LARS1: variants seen among roughly 807,000 people sequenced by gnomAD.
LARS1 encodes leucine--tRNA ligase, cytoplasmic.
In LARS1, 100 loss-of-function variants were observed where a neutral mutation model predicts 162.8. That is an observed-to-expected ratio of 0.61 (90% CI 0.52 to 0.73). The LOEUF is 0.73. Among genes scored for constraint, LARS1 ranks in the 30% least tolerant of loss-of-function variants. LARS1 has a pLI of 0.00. For missense variants in LARS1, 1,258 were observed against 1,408.9 expected (o/e 0.89, Z 1.71); for synonymous variants, 457 against 462.8 (o/e 0.99, Z 0.16).
intron 20 of LARS1, among the ~76,000 whole-genome samples, chr5:146,140,856 T>TACAC (rs534004388): frequency 3.3e-5 from 5 of 151,842 alleles, no homozygotes; most frequent in African/African-American, 4.8e-5. Context: ...CACATATATA[T>TACAC]ACACACACAC....
At chr5:146,171,120 G>A (rs1754254956) in intron 4 of LARS1, among the ~76,000 whole-genome samples, 2 of 152,162 alleles carry the variant, frequency 1.3e-5, no homozygotes, top group Admixed American at 6.5e-5. Context: ...ACTTTGGAAG[G>A]CCGAGGTGGG....
chr5:146,149,958 A>C (rs1292053303), intron 14 of LARS1, among the ~76,000 whole-genome samples: 11 of 152,186 alleles, frequency 7.2e-5, no homozygotes. Context: ...ATGATTAGGA[A>C]GGAATACTCA....
chr5:146,147,462 G>A (rs1753062137), intron 15 of LARS1, among the ~76,000 whole-genome samples: 1 of 150,952 alleles, frequency 6.6e-6, no homozygotes, highest in South Asian at 2.1e-4. Context: ...CCCAAAATTA[G>A]TAATTATTGA....
At chr5:146,160,326 G>A (rs1449131471) in intron 7 of LARS1, 48 bp downstream of exon 7, 2 of 1,068,144 alleles carry the variant, frequency 1.9e-6, no homozygotes, top group South Asian at 3.1e-5. Context: ...GTGAGCCTCT[G>A]TGCCCAACTG....
rs1753164352 is a variant in LARS1 at position 146,149,308 on chromosome 5, G to C, written c.1503+314C>G. On this transcript the variant is annotated intron_variant, in intron 15 of 31. Transcript: ENST00000394434. ...AGTTATAACAGAAACGGAGGGATGA[G>C]AGGAGGACGACAGAAACACCACAGA... 5.3e-5 allele frequency among the ~76,000 whole-genome samples: 8 copies of C among 152,134 alleles called. No homozygotes were observed. In the South Asian group the frequency reaches 1.7e-3, roughly 31 times the overall value.
chr5:146,121,218 T>A (rs1049807159), intron 30 of LARS1, among the ~76,000 whole-genome samples: 3 of 152,144 alleles, frequency 2.0e-5, no homozygotes, highest in African/African-American at 7.2e-5. Context: ...GTATCCATAA[T>A]CACGATTTCC....
chr5:146,149,796 CA>C (rs1445574557), intron 14 of LARS1, 97 bp from the exon 15 acceptor site: 2 of 816,866 alleles, frequency 2.4e-6, no homozygotes, highest in African/African-American at 3.4e-5. Flanking sequence ...TGCTTCTGCC[CA>C]CCGAAATATT....
At position 146,164,478 on chromosome 5, in the gene LARS1, A is replaced by G. The variant is rs780368720; in HGVS notation, c.433-7T>C. Reference sequence around the variant, plus strand: ...CTTTAGCAGCAGCTTTACTCTGAAAATAATGGAGAAAAATAAACTCGATCA... The same window carrying G: ...CTTTAGCAGCAGCTTTACTCTGAAAGTAATGGAGAAAAATAAACTCGATCA... On this transcript the variant is annotated splice_region_variant and splice_polypyrimidine_tract_variant and intron_variant, in intron 5 of 31. Coordinates refer to ENST00000394434, the MANE Select transcript of LARS1 (RefSeq NM_020117.11). The G allele has an allele frequency of 4.3e-6, 7 of 1,612,470 alleles. No individual in the cohort carries two copies. In the South Asian group the frequency reaches 6.6e-5, roughly 15 times the overall value.
intron 22 of LARS1, among the ~76,000 whole-genome samples, chr5:146,134,810 G>C (rs115634250): frequency 1.3e-5 from 2 of 152,100 alleles, no homozygotes; most frequent in Non-Finnish European, 1.5e-5. Flanking sequence ...TTAGCCAAGC[G>C]TGCAGGCACA....
At chr5:146,128,582 T>C (rs1752138109) in intron 27 of LARS1, 90 bp downstream of exon 27, 2 of 740,242 alleles carry the variant, frequency 2.7e-6, no homozygotes, top group African/African-American at 1.9e-5. Context: ...CTATCTTTCT[T>C]CTCCCAGACA....
intron 5 of LARS1, among the ~76,000 whole-genome samples, chr5:146,165,149 T>C (rs1267341378): frequency 1.3e-5 from 2 of 152,000 alleles, no homozygotes; most frequent in Non-Finnish European, 2.9e-5. Flanking sequence ...GCCTGGCCAA[T>C]GTGGTGAAAC....
At chr5:146,126,644 A>G (rs1460720682) in intron 27 of LARS1, 99 bp from the exon 28 acceptor site, 1 of 731,138 alleles carries the variant, frequency 1.4e-6, no homozygotes, top group Non-Finnish European at 2.4e-6. Context: ...GCCTCTATCA[A>G]TCCTTAGAGA....
chr5:146,152,183 A>C (rs545673988), intron 13 of LARS1, among the ~76,000 whole-genome samples, 181 bp from the exon 14 acceptor site: 1 of 151,752 alleles, frequency 6.6e-6, no homozygotes, highest in Non-Finnish European at 1.5e-5. Flanking sequence ...TTGTCCTTCT[A>C]CTCTCCACAG....
intron 1 of LARS1, among the ~76,000 whole-genome samples, chr5:146,180,092 T>G (rs963893460): frequency 1.3e-5 from 2 of 152,160 alleles, no homozygotes; most frequent in African/African-American, 4.8e-5. Context: ...AACAAATATC[T>G]TTTACCTAAA....
rs910973428 is a variant in LARS1, at chr5:146,124,080, G to A, written c.2998C>T (p.Leu1000=). 7.5e-6 allele frequency: 12 copies of A among 1,604,144 alleles called. No individual in the cohort carries two copies. Among genetic ancestry groups the A allele is most frequent in the Non-Finnish European group, 1.0e-5 (12 of 1,173,596 alleles). The change falls in exon 29 of 32, where the codon CTG becomes TTG. Residue 1000 remains leucine (L), a synonymous_variant. Coordinates refer to ENST00000394434, the MANE Select transcript of LARS1 (RefSeq NM_020117.11). ...MPFVAMIKEN[L]EKMGPRILDL... is the part of the protein sequence containing the mutation. ...AGAATACGAGGCCCCATCTTCTCCA[G>A]ATTTTCCTAATAGCCAAAATGGTAT... is the stretch of plus-strand genomic sequence containing the variant.
chr5:146,162,940 G>T (rs1238141173), intron 6 of LARS1, among the ~76,000 whole-genome samples: 1 of 152,152 alleles, frequency 6.6e-6, no homozygotes, highest in Non-Finnish European at 1.5e-5. Flanking sequence ...TTCCCAAGTA[G>T]CTGGGATTAT....
At chr5:146,125,995 A>G (rs1752026228) in intron 28 of LARS1, among the ~76,000 whole-genome samples, 1 of 152,000 alleles carries the variant, frequency 6.6e-6, no homozygotes, top group South Asian at 2.1e-4. Flanking sequence ...GTGCCCCACA[A>G]GAACTATCTA....
chr5:146,130,878 A>T, intron 24 of LARS1, 141 bp downstream of exon 24: 1 of 477,410 alleles, frequency 2.1e-6, no homozygotes, highest in East Asian at 3.3e-5. Context: ...CAATTTATTG[A>T]AGAATTTAAA....
At position 146,145,332 on chromosome 5, in the gene LARS1, C is replaced by T. The variant is rs151164517; in HGVS notation, c.1504-623G>A. Among the ~76,000 whole-genome samples, 332 of 152,226 alleles carry T rather than the reference C, an allele frequency of 2.2e-3. 3 individuals are homozygous for T. Among genetic ancestry groups the T allele is most frequent in the African/African-American group, 7.8e-3 (323 of 41,542 alleles). On this transcript the variant is annotated intron_variant, in intron 15 of 31. Transcript: ENST00000394434. ...ACCCCTGGGCTCAAGTATTCCACCT[C>T]AGCCTCCCAAAGTGTTTGGATTACA...
Sources: allele counts gnomAD v4.1 joint callset (sites outside exome capture counted in the v4.1 genomes callset), GRCh38; gene constraint gnomAD v4.1.1; transcripts MANE v1.5; gene names NCBI Gene and HGNC (gene_info 2026-07-23, HGNC 2026-07-21).